Variants in IGF1R observed in about 807,000 individuals in gnomAD.
IGF1R encodes the protein insulin like growth factor 1 receptor, also known as insulin-like growth factor 1 receptor.
In IGF1R, 44 loss-of-function variants were observed where a neutral mutation model predicts 144.6. The ratio of observed to expected loss-of-function variants is 0.30; its 90% CI spans 0.24 to 0.39. IGF1R has a LOEUF of 0.39. IGF1R is among the 10% of genes least tolerant of loss of function. The probability of loss-of-function intolerance (pLI) is 1.00; values close to 1 mark genes in which losing one functional copy is unlikely to be tolerated. For missense variants in IGF1R, 1,355 were observed against 1,833.7 expected (o/e 0.74, Z 4.77); for synonymous variants, 795 against 722.8 (o/e 1.10, Z -1.60).
chr15:98,929,679 T>A lies in IGF1R; in HGVS notation c.2885+19T>A. The A allele has an allele frequency of 6.6e-7, 1 of 1,504,260 alleles. No individual in the cohort carries two copies. The allele number at this position is 1,504,260 out of a possible 1,614,324, so 93.2% of individuals were successfully genotyped here. A position where few individuals can be genotyped will look rare whatever the true frequency, so the allele number is the denominator to read the frequency against. The stretch of plus-strand genomic sequence containing the variant: ...GAAAGAGGTCAGTGATGTGCAAAGT[T>A]ATGACACTTTCTGTGGCTGAGTGGT... On this transcript the variant is annotated intron_variant, in intron 14 of 20. Coordinates refer to ENST00000650285, the MANE Select transcript of IGF1R (RefSeq NM_000875.5).
At chr15:98,797,048 A>T (rs1249575721) in intron 2 of IGF1R, among the ~76,000 whole-genome samples, 1 of 152,066 alleles carries the variant, frequency 6.6e-6, no homozygotes, top group African/African-American at 2.4e-5. Context: ...CGCATTTCTG[A>T]TGGCTGCCCC....
At chr15:98,952,118 A>T (rs928872335) in intron 20 of IGF1R, among the ~76,000 whole-genome samples, 8 of 152,098 alleles carry the variant, frequency 5.3e-5, no homozygotes, top group Admixed American at 1.3e-4. Flanking sequence ...AGAGTAAAAG[A>T]TCCAGGACCT....
chr15:98,730,060 T>G (rs1209910403), intron 2 of IGF1R, among the ~76,000 whole-genome samples: 1 of 152,204 alleles, frequency 6.6e-6, no homozygotes, highest in African/African-American at 2.4e-5. Context: ...ATGGTTCTGT[T>G]TCTAAATTCA....
chr15:98,702,139 G>GT (rs1718342819), intron 1 of IGF1R, among the ~76,000 whole-genome samples: 1 of 150,912 alleles, frequency 6.6e-6, no homozygotes, highest in African/African-American at 2.4e-5. Flanking sequence ...GCTTTGGGGC[G>GT]TTTTCTCAGC....
Position 98,677,405 on chromosome 15 carries a change from G to A in IGF1R, c.94+27730G>A, listed in dbSNP as rs184505119. Among the ~76,000 whole-genome samples, 96 of 152,256 alleles carry A rather than the reference G, an allele frequency of 6.3e-4. No homozygotes were observed. The South Asian group carries it at 6.8e-3, about 11-fold the overall frequency. ...CCGAGAATCATTGATGACAAATAAG[G>A]ATAATTTGGTCTCCATTTTTCTGGT... On this transcript the variant is annotated intron_variant, in intron 1 of 20. Transcript: ENST00000650285.
chr15:98,731,265 T>C (rs2054490828), intron 2 of IGF1R, among the ~76,000 whole-genome samples: 2 of 152,230 alleles, frequency 1.3e-5, no homozygotes, highest in African/African-American at 2.4e-5. Flanking sequence ...TTCAGTGTTA[T>C]AGTTAATAGC....
chr15:98,945,265 T>C (rs1286610219), intron 19 of IGF1R, among the ~76,000 whole-genome samples: 1 of 152,246 alleles, frequency 6.6e-6, no homozygotes, highest in Non-Finnish European at 1.5e-5. Context: ...GTTATTTGCT[T>C]CTTTCATGAC....
chr15:98,705,034 A>G (rs1195165868), intron 1 of IGF1R, among the ~76,000 whole-genome samples: 2 of 51,412 alleles, frequency 3.9e-5, no homozygotes, highest in African/African-American at 1.4e-4. Flanking sequence ...TGACACCTCA[A>G]TGGATATACT....
chr15:98,793,992 A>G (rs1468095311), intron 2 of IGF1R, among the ~76,000 whole-genome samples: 1 of 152,210 alleles, frequency 6.6e-6, no homozygotes, highest in Non-Finnish European at 1.5e-5. Flanking sequence ...CAGGGGGCAC[A>G]GTGGCGAAGC....
At chr15:98,851,425 G>A (rs56413709) in intron 2 of IGF1R, among the ~76,000 whole-genome samples, 6 of 152,314 alleles carry the variant, frequency 3.9e-5, no homozygotes, top group Non-Finnish European at 5.9e-5. Context: ...CCATCAGAGC[G>A]AAGCACCAAA....
At chr15:98,795,401 GTTTTT>G (rs1005800713) in intron 2 of IGF1R, among the ~76,000 whole-genome samples, 2 of 135,214 alleles carry the variant, frequency 1.5e-5, no homozygotes, top group Non-Finnish European at 3.3e-5. Flanking sequence ...TTTCTTTCTT[GTTTTT>G]TGTTTTGTTT....
intron 2 of IGF1R, among the ~76,000 whole-genome samples, chr15:98,820,565 A>T (rs1236345289): frequency 6.6e-6 from 1 of 152,204 alleles, no homozygotes; most frequent in Non-Finnish European, 1.5e-5. Context: ...ACCTTTTAAA[A>T]GCAAAAGATA....
intron 1 of IGF1R, 122 bp downstream of exon 1, chr15:98,649,797 G>A (rs1175564855): frequency 4.2e-6 from 3 of 720,596 alleles, no homozygotes; most frequent in Non-Finnish European, 7.1e-6. Context: ...CGGGAGCGGC[G>A]GGGTGGGGCG....
At chr15:98,650,069 T>C (rs1198216784) in intron 1 of IGF1R, among the ~76,000 whole-genome samples, 2 of 146,676 alleles carry the variant, frequency 1.4e-5, no homozygotes, top group Non-Finnish European at 3.0e-5. Flanking sequence ...CACACAGCGC[T>C]GATCCCCTGC....
chr15:98,726,888 T>C (rs761223370), intron 2 of IGF1R, among the ~76,000 whole-genome samples: 1 of 151,874 alleles, frequency 6.6e-6, no homozygotes, highest in Non-Finnish European at 1.5e-5. Context: ...CCCGGCTAAT[T>C]TTTTGTATTT....
intron 2 of IGF1R, among the ~76,000 whole-genome samples, chr15:98,873,045 C>T (rs2012868854): frequency 6.6e-6 from 1 of 152,126 alleles, no homozygotes; most frequent in African/African-American, 2.4e-5. Context: ...GTCATCATGT[C>T]CTCCTCCCTG....
intron 1 of IGF1R, among the ~76,000 whole-genome samples, chr15:98,670,719 T>G (rs570066963): frequency 6.6e-6 from 1 of 152,200 alleles, no homozygotes; most frequent in Non-Finnish European, 1.5e-5. Flanking sequence ...TGACTACATT[T>G]GATTATGGCA....
intron 2 of IGF1R, among the ~76,000 whole-genome samples, chr15:98,712,802 G>GTT (rs2054024269): frequency 6.6e-6 from 1 of 151,060 alleles, no homozygotes; most frequent in Non-Finnish European, 1.5e-5. Flanking sequence ...TAGAGACGGG[G>GTT]TTTCACCATG....
intron 2 of IGF1R, among the ~76,000 whole-genome samples, chr15:98,802,094 G>T (rs920253176): frequency 1.3e-5 from 2 of 152,110 alleles, no homozygotes; most frequent in African/African-American, 4.8e-5. Context: ...CCACATCTGG[G>T]CTGTTGTAGG....
Sources: gnomAD v4.1 joint callset for allele counts (sites outside exome capture counted in the v4.1 genomes callset) on GRCh38, gnomAD v4.1.1 for gene constraint, MANE v1.5 for transcripts, NCBI Gene and HGNC (gene_info 2026-07-23, HGNC 2026-07-21) for gene names.